Variants in SANBR observed in about 807,000 individuals in gnomAD.
SANBR encodes SANT and BTB domain regulator of class switch recombination.
SANBR carries 77 observed loss-of-function variants against 101.8 expected under a neutral mutation model. The ratio of observed to expected loss-of-function variants is 0.76; its 90% CI spans 0.63 to 0.91. The LOEUF (loss-of-function observed/expected upper bound fraction) is 0.91. Ranked by LOEUF, SANBR falls within the 40% of genes least tolerant of loss-of-function variation. The pLI is 0.00. For missense variants in SANBR, 875 were observed against 853.0 expected, an observed-to-expected ratio of 1.03 and a Z score of -0.32; for synonymous variants, 279 against 274.7, an observed-to-expected ratio of 1.02 and a Z score of -0.15.
chr2:61,095,966 T>C (rs1220859589), intron 11 of SANBR, among the ~76,000 whole-genome samples: 1 of 152,108 alleles, frequency 6.6e-6, no homozygotes, highest in East Asian at 1.9e-4. Context: ...AATCATCCAG[T>C]GGTACTGCCC....
At position 61,122,811 on chromosome 2, in the gene SANBR, A is replaced by G. The variant is rs548855279; in HGVS notation, c.*649A>G. The stretch of plus-strand genomic sequence containing the variant: ...TTCTTTCAGTTTTTAATGCTTATCT[A>G]TTGATCATCTGAGCTGGAATTACTG... On this transcript the variant is annotated 3_prime_UTR_variant, in exon 22 of 22. Transcript: ENST00000402291. The G allele has an allele frequency of 1.4e-5, 14 of 985,298 alleles. No homozygotes were observed. In the African/African-American group the frequency reaches 2.1e-4, roughly 15 times the overall value. 61.0% of individuals were successfully genotyped at this position (985,298 alleles called of 1,614,324 possible). A position where few individuals can be genotyped will look rare whatever the true frequency, so the allele number is the denominator to read the frequency against.
Position 61,080,825 on chromosome 2 carries a change from A to G in SANBR, c.671-627A>G, listed in dbSNP as rs1469696704. ...TTAACCATTGTCTGCTTAGTCGTTTATTTAGAATTGTGTTAGTACTGTAAT... is the reference window on the plus strand; with the variant it reads ...TTAACCATTGTCTGCTTAGTCGTTTGTTTAGAATTGTGTTAGTACTGTAAT... On this transcript the variant is annotated intron_variant, in intron 6 of 21. Coordinates refer to ENST00000402291, the MANE Select transcript of SANBR (RefSeq NM_001129993.3). Among the ~76,000 whole-genome samples, 4 of 152,134 alleles carry G rather than the reference A, an allele frequency of 2.6e-5. 1 individual carries two copies. Among genetic ancestry groups the G allele is most frequent in the African/African-American group, 9.7e-5 (4 of 41,436 alleles).
At chr2:61,080,196 CAAA>C (rs57117097) in intron 6 of SANBR, among the ~76,000 whole-genome samples, 4 of 113,222 alleles carry the variant, frequency 3.5e-5, no homozygotes, top group Admixed American at 9.6e-5. Context: ...AACTTTGTCT[CAAA>C]AAAAAAAAAA....
Position 61,108,340 on chromosome 2 carries a change from T to A in SANBR, c.1635T>A (p.Thr545=). ...LNAFLSLKNW[T]LQLKQQSLFS... is the part of the protein sequence containing the mutation. ...AGTTCTTGTCATTGAAAAACTGGAC[T>A]CTACAACTGGTAAGTGAGCAATTAC... The change falls in exon 15 of 22, where the codon ACT becomes ACA. Residue 545 remains threonine (T), a synonymous_variant. Coordinates refer to ENST00000402291, the MANE Select transcript of SANBR (RefSeq NM_001129993.3). The A allele has an allele frequency of 6.3e-7, 1 of 1,574,828 alleles. No individual in the cohort carries two copies. The highest frequency in any genetic ancestry group is 8.6e-7 in the Non-Finnish European group (1 of 1,156,752).
At position 61,070,484 on chromosome 2, in the gene SANBR, G is replaced by C. The variant is rs749452738; in HGVS notation, c.134G>C (p.Gly45Ala). The C allele has an allele frequency of 6.2e-7, 1 of 1,605,648 alleles. No homozygotes were observed. Among genetic ancestry groups the C allele is most frequent in the African/African-American group, 1.3e-5 (1 of 74,370 alleles). The change falls in exon 3 of 22, where the codon GGA becomes GCA. Residue 45 changes from glycine to alanine, a missense_variant. Gly to Ala is a moderately conservative substitution (Grantham distance 60). Transcript: ENST00000402291. Reference sequence around the variant, plus strand: ...GAAACTATAGCAAGGCTCGTGCCTGGATTAACACCAAAAGAGGTAAATAAC... The same window carrying C: ...GAAACTATAGCAAGGCTCGTGCCTGCATTAACACCAAAAGAGGTAAATAAC... ...NWETIARLVP[G>A]LTPKECAKRF...
chr2:61,096,873 G>T (rs1350231313), intron 11 of SANBR, among the ~76,000 whole-genome samples: 1 of 152,126 alleles, frequency 6.6e-6, no homozygotes, highest in East Asian at 1.9e-4. Flanking sequence ...GCATCAAGGG[G>T]CCAGGCATGG....
At chr2:61,075,591 G>C (rs995937234) in intron 5 of SANBR, among the ~76,000 whole-genome samples, 5 of 152,146 alleles carry the variant, frequency 3.3e-5, no homozygotes, top group African/African-American at 1.2e-4. Flanking sequence ...AATTCAAGGA[G>C]ATTATAATTT....
chr2:61,123,569 C>A lies in SANBR; in HGVS notation c.*1407C>A. ...TTGTAGTACATATTATATGTAAGTACTCTGTTAAATACCAGAGTTTTTTTT... is the reference window on the plus strand; with the variant it reads ...TTGTAGTACATATTATATGTAAGTAATCTGTTAAATACCAGAGTTTTTTTT... On this transcript the variant is annotated 3_prime_UTR_variant, in exon 22 of 22. Coordinates refer to ENST00000402291, the MANE Select transcript of SANBR (RefSeq NM_001129993.3). 1 of 968,968 alleles carries A rather than the reference C, an allele frequency of 1.0e-6. No homozygotes were observed. The highest frequency in any genetic ancestry group is 1.2e-6 in the Non-Finnish European group (1 of 814,918). 60.0% of individuals were successfully genotyped at this position (968,968 alleles called of 1,614,324 possible). A position where few individuals can be genotyped will look rare whatever the true frequency, so the allele number is the denominator to read the frequency against.
intron 1 of SANBR, among the ~76,000 whole-genome samples, chr2:61,068,538 G>T (rs930297721): frequency 6.6e-6 from 1 of 152,164 alleles, no homozygotes; most frequent in African/African-American, 2.4e-5. Flanking sequence ...CAAAGGTTAG[G>T]TATTGTTTTC....
chr2:61,094,103 C>A (rs1297048774), intron 11 of SANBR: 1 of 980,142 alleles, frequency 1.0e-6, no homozygotes, highest in Non-Finnish European at 1.2e-6. Flanking sequence ...AGTTCCCACT[C>A]AATGGGTTCT....
intron 4 of SANBR, among the ~76,000 whole-genome samples, chr2:61,072,900 C>T (rs1426925222): frequency 1.6e-5 from 2 of 124,986 alleles, no homozygotes; most frequent in South Asian, 2.7e-4. Flanking sequence ...CTGTGTTGCT[C>T]AGGCTGGTCT....
intron 21 of SANBR, among the ~76,000 whole-genome samples, chr2:61,135,438 A>T (rs1684814094): frequency 6.6e-6 from 1 of 152,238 alleles, no homozygotes; most frequent in Admixed American, 6.5e-5. Flanking sequence ...TGTCCAATGA[A>T]TAAGAGTTAA....
intron 3 of SANBR, 70 bp downstream of exon 3, chr2:61,070,570 A>T (rs1021502241): frequency 2.2e-6 from 3 of 1,393,638 alleles, no homozygotes; most frequent in Non-Finnish European, 3.0e-6. Context: ...AAGAAACACC[A>T]AGAGAGAGAA....
chr2:61,087,058 C>T (rs1288395209), intron 8 of SANBR, among the ~76,000 whole-genome samples: 1 of 152,102 alleles, frequency 6.6e-6, no homozygotes, highest in East Asian at 1.9e-4. Flanking sequence ...TTATTGAATG[C>T]TTAACGTTAT....
At chr2:61,120,996 T>G (rs956875239) in intron 20 of SANBR, among the ~76,000 whole-genome samples, 189 bp from the exon 21 acceptor site, 30 of 152,320 alleles carry the variant, frequency 2.0e-4, no homozygotes, top group African/African-American at 6.7e-4. Flanking sequence ...TAAAACTGTA[T>G]GCATTTGTCA....
At chr2:61,108,532 T>C (rs1683679157) in intron 15 of SANBR, among the ~76,000 whole-genome samples, 183 bp downstream of exon 15, 1 of 152,258 alleles carries the variant, frequency 6.6e-6, no homozygotes, top group African/African-American at 2.4e-5. Flanking sequence ...CAGACTCATA[T>C]TCCATGTCTG....
chr2:61,118,125 T>C lies in SANBR; in HGVS notation c.2028+9T>C, dbSNP rs1352197553. ...CAAAGGAAGCAAAAGAAGTAAGAAT[T>C]GTGTACTAGTGTATTGTACTTGTGT... On this transcript the variant is annotated intron_variant, in intron 20 of 21. Transcript: ENST00000402291. 15 of 1,576,780 alleles carry C rather than the reference T, an allele frequency of 9.5e-6. No homozygotes were observed. The East Asian group carries it at 1.6e-4, about 17-fold the overall frequency.
Position 61,123,753 on chromosome 2 carries a change from GAATT to G in SANBR, c.*1596_*1599del, listed in dbSNP as rs1277201327. On this transcript the variant is annotated 3_prime_UTR_variant, in exon 22 of 22. Coordinates refer to ENST00000402291, the MANE Select transcript of SANBR (RefSeq NM_001129993.3). ...TCTCCCCTGGGAGGCCTATACCACTGAATTAATTTTTACAAACCAGAGTTTATCA... is the reference window on the plus strand; with the variant it reads ...TCTCCCCTGGGAGGCCTATACCACTGAATTTTTACAAACCAGAGTTTATCA... 1 of 985,508 alleles carries G rather than the reference GAATT, an allele frequency of 1.0e-6. No individual in the cohort carries two copies. The highest frequency in any genetic ancestry group is 5.2e-4 in the Middle Eastern group (1 of 1,914). 61.0% of individuals were successfully genotyped at this position (985,508 alleles called of 1,614,324 possible). A position where few individuals can be genotyped will look rare whatever the true frequency, so the allele number is the denominator to read the frequency against.
rs1165213673 is a variant in SANBR, at chr2:61,070,375, A to G, written c.25A>G (p.Asn9Asp). ...GATGAGTCGTGGATATTCAGAAAAC[A>G]ACAATTTCCTGAACAATAATAACCA... MSRGYSEN[N>D]NFLNNNNQMV... The change falls in exon 3 of 22, where the codon AAC (asparagine) becomes GAC (aspartate). Residue 9 changes from asparagine (N) to aspartate (D), a missense_variant. Asn to Asp is a conservative substitution (Grantham distance 23, BLOSUM62 1). Transcript: ENST00000402291. 2 of 1,591,326 alleles carry G rather than the reference A, an allele frequency of 1.3e-6. No homozygotes were observed. Among genetic ancestry groups the G allele is most frequent in the African/African-American group, 2.7e-5 (2 of 73,510 alleles).
Sources: gnomAD v4.1 joint callset for allele counts (sites outside exome capture counted in the v4.1 genomes callset) on GRCh38, gnomAD v4.1.1 for gene constraint, MANE v1.5 for transcripts, NCBI Gene and HGNC (gene_info 2026-07-23, HGNC 2026-07-21) for gene names.